The following DLG5 variants were observed in gnomAD, a reference collection of about 807,000 sequenced individuals.
DLG5 encodes discs large MAGUK scaffold protein 5.
A neutral mutation model predicts 189.8 loss-of-function variants in DLG5; 48 were observed. The ratio of observed to expected loss-of-function variants is 0.25; its 90% CI spans 0.20 to 0.32. The LOEUF (loss-of-function observed/expected upper bound fraction) is 0.32. Ranked by LOEUF, DLG5 falls within the 10% of genes least tolerant of loss-of-function variation. The pLI, the probability that DLG5 is intolerant of heterozygous loss-of-function variation, is 1.00. For missense variants in DLG5, 2,160 were observed against 2,544.7 expected (o/e 0.85, Z 3.25); for synonymous variants, 1,016 against 1,054.1 (o/e 0.96, Z 0.70).
chr10:77,938,913 G>T, the DLG5 span, among the ~76,000 whole-genome samples: 1 of 152,344 alleles, frequency 6.6e-6, no homozygotes, highest in East Asian at 1.9e-4. Flanking sequence ...ATCAGGCCCG[G>T]TGCAGTGGCT....
chr10:77,936,074 G>A, the DLG5 span, among the ~76,000 whole-genome samples: 3 of 152,132 alleles, frequency 2.0e-5, no homozygotes, highest in African/African-American at 7.2e-5. Context: ...AAATCATGAA[G>A]ACATTTTTCT....
At chr10:77,871,092 G>T (rs1261109065) in intron 1 of DLG5, among the ~76,000 whole-genome samples, 1 of 152,206 alleles carries the variant, frequency 6.6e-6, no homozygotes, top group Non-Finnish European at 1.5e-5. Flanking sequence ...GAATCTGAAG[G>T]CGTTGAGCAT....
At position 77,796,780 on chromosome 10, in the gene DLG5, C is replaced by A. The variant is rs577927554; in HGVS notation, c.5165-186G>T. Among the ~76,000 whole-genome samples, 57 of 152,294 alleles carry A rather than the reference C, an allele frequency of 3.7e-4. No homozygotes were observed. Among genetic ancestry groups the A allele is most frequent in the Admixed American group, 1.1e-3 (17 of 15,306 alleles). ...TCACCCCTGGAGTCCAGCATGAGCA[C>A]CCCCCATGCCCTCTGTGAACACCAG... On this transcript the variant is annotated intron_variant, in intron 27 of 31. Transcript: ENST00000372391. The surrounding 1 kb of genome is among the most constrained non-coding windows in gnomAD (Gnocchi z 5.2).
At position 77,892,659 on chromosome 10, in the gene DLG5, A is replaced by C. The variant is rs141331179; in HGVS notation, c.305-23462T>G. ...TTACAAGACACCTCGCACACCAGAC[A>C]GTGAATTCCTGGAGACCAGGGTGGT... On this transcript the variant is annotated intron_variant, in intron 1 of 31. Transcript: ENST00000372391. 1.8e-3 allele frequency among the ~76,000 whole-genome samples: 267 copies of C among 152,324 alleles called. 1 individual carries two copies. Among genetic ancestry groups the C allele is most frequent in the African/African-American group, 6.2e-3 (256 of 41,570 alleles).
Position 77,796,599 on chromosome 10 carries a change from G to T in DLG5, c.5165-5C>A. The T allele has an allele frequency of 6.2e-7, 1 of 1,613,760 alleles. No individual in the cohort carries two copies. The highest frequency in any genetic ancestry group is 8.5e-7 in the Non-Finnish European group (1 of 1,179,818). On this transcript the variant is annotated splice_region_variant and splice_polypyrimidine_tract_variant and intron_variant, in intron 27 of 31. Coordinates refer to ENST00000372391, the MANE Select transcript of DLG5 (RefSeq NM_004747.4). This position sits in a 1 kb window ranked among gnomAD's most constrained non-coding sequence, Gnocchi z 5.2. ...GATAGGCCAGGCTCACCGAATCTGA[G>T]GGAGAGAGAGCAGCAGCGTCACGGA...
chr10:77,876,639 GGCATGA>G (rs1845098882), intron 1 of DLG5, among the ~76,000 whole-genome samples: 1 of 144,772 alleles, frequency 6.9e-6, no homozygotes, highest in East Asian at 2.2e-4. Context: ...TGGAATTACA[GGCATGA>G]GCCACCACAC....
intron 1 of DLG5, among the ~76,000 whole-genome samples, chr10:77,875,501 G>A (rs1845055747): frequency 1.4e-5 from 2 of 138,206 alleles, no homozygotes; most frequent in South Asian, 4.7e-4. Context: ...CCACCCAAGT[G>A]GGAAGAAAGA....
chr10:77,815,613 A>G (rs1439401271), intron 20 of DLG5, among the ~76,000 whole-genome samples: 1 of 152,122 alleles, frequency 6.6e-6, no homozygotes, highest in Non-Finnish European at 1.5e-5. Flanking sequence ...GTGAGCCAAG[A>G]TTGCACCACT....
intron 6 of DLG5, 127 bp downstream of exon 6, chr10:77,843,320 T>A (rs1843517777): frequency 6.7e-6 from 8 of 1,201,508 alleles, no homozygotes; most frequent in Non-Finnish European, 8.1e-6. Flanking sequence ...CAAAAAAAAA[T>A]GTTTCCTGGT....
At chr10:77,833,893 C>T (rs747521065) in intron 9 of DLG5, 21 bp downstream of exon 9, 36 of 1,603,072 alleles carry the variant, frequency 2.2e-5, no homozygotes, top group South Asian at 5.5e-5. Context: ...CCCACTCCAG[C>T]GGGTGCCCAC....
At chr10:77,907,103 T>G (rs1846091211) in intron 1 of DLG5, among the ~76,000 whole-genome samples, 1 of 152,170 alleles carries the variant, frequency 6.6e-6, no homozygotes, top group Non-Finnish European at 1.5e-5. Flanking sequence ...ATCTCTGTGC[T>G]TGCTTACTTC....
intron 3 of DLG5, among the ~76,000 whole-genome samples, chr10:77,855,113 A>T (rs530206186): frequency 6.6e-6 from 1 of 152,368 alleles, no homozygotes; most frequent in East Asian, 1.9e-4. Context: ...TGCCCAGGTC[A>T]ATTACATTAG....
At chr10:77,878,734 TC>T (rs1322089961) in intron 1 of DLG5, among the ~76,000 whole-genome samples, 1 of 152,106 alleles carries the variant, frequency 6.6e-6, no homozygotes, top group African/African-American at 2.4e-5. Context: ...CCATGGCAAT[TC>T]CAAGCCATCC....
intron 5 of DLG5, among the ~76,000 whole-genome samples, chr10:77,849,834 T>A (rs1843877120): frequency 6.6e-6 from 1 of 152,178 alleles, no homozygotes; most frequent in South Asian, 2.1e-4. Flanking sequence ...ACTTTACGCT[T>A]CTTGAGGGCA....
chr10:77,874,152 G>C (rs1254272786), intron 1 of DLG5, among the ~76,000 whole-genome samples: 1 of 152,250 alleles, frequency 6.6e-6, no homozygotes, highest in Non-Finnish European at 1.5e-5. Context: ...AGGGGCTCAA[G>C]AGCCTGGAGG....
intron 2 of DLG5, among the ~76,000 whole-genome samples, chr10:77,859,404 T>C (rs929677123): frequency 7.2e-5 from 11 of 152,198 alleles, no homozygotes; most frequent in Non-Finnish European, 1.5e-4. Flanking sequence ...ACTCACTGAC[T>C]TACCCAGAGT....
At chr10:77,860,025 C>T (rs942392810) in intron 2 of DLG5, among the ~76,000 whole-genome samples, 3 of 152,216 alleles carry the variant, frequency 2.0e-5, no homozygotes, top group Non-Finnish European at 2.9e-5. Flanking sequence ...TTCCTTTGAA[C>T]GTGCCTGCTA....
intron 14 of DLG5, among the ~76,000 whole-genome samples, chr10:77,823,369 C>T (rs371228693): frequency 1.6e-3 from 238 of 152,268 alleles, no homozygotes; most frequent in African/African-American, 5.3e-3. Flanking sequence ...TTTCTAACTT[C>T]CTATTATTAA....
At chr10:77,857,690 C>T (rs1444978481) in intron 2 of DLG5, among the ~76,000 whole-genome samples, 1 of 152,236 alleles carries the variant, frequency 6.6e-6, no homozygotes, top group African/African-American at 2.4e-5. Context: ...CCAAATCCAT[C>T]TCTAGGAAGA....
Sources: gnomAD v4.1 joint callset for allele counts (sites outside exome capture counted in the v4.1 genomes callset) on GRCh38, gnomAD v4.1.1 for gene constraint, Gnocchi (gnomAD v3.1) non-coding constraint, MANE v1.5 for transcripts, NCBI Gene and HGNC (gene_info 2026-07-23, HGNC 2026-07-21) for gene names.